GTF2IRD1: variants seen among roughly 807,000 people sequenced by gnomAD.
GTF2IRD1 encodes GTF2I repeat domain containing 1.
A neutral mutation model predicts 113.2 loss-of-function variants in GTF2IRD1; 26 were observed. That is an observed-to-expected ratio of 0.23 (90% CI 0.17 to 0.32). The LOEUF is 0.32. Ranked by LOEUF, GTF2IRD1 falls within the 10% of genes least tolerant of loss-of-function variation. The pLI is 1.00. For missense variants in GTF2IRD1, 864 were observed against 1,280.8 expected, an observed-to-expected ratio of 0.67 and a Z score of 4.97; for synonymous variants, 484 against 529.1, an observed-to-expected ratio of 0.91 and a Z score of 1.17.
chr7:74,466,248 A>C (rs570114485), intron 1 of GTF2IRD1, among the ~76,000 whole-genome samples: 50 of 152,244 alleles, frequency 3.3e-4, no homozygotes, highest in African/African-American at 1.2e-3. Flanking sequence ...GACGGGAGAC[A>C]ATGCCACTCC....
chr7:74,566,154 A>G (rs1800303074), intron 22 of GTF2IRD1, among the ~76,000 whole-genome samples: 1 of 152,160 alleles, frequency 6.6e-6, no homozygotes, highest in Admixed American at 6.6e-5. Flanking sequence ...TTTCCCCCCA[A>G]GCTTATTAAT....
At chr7:74,499,948 A>G (rs1795932670) in intron 1 of GTF2IRD1, among the ~76,000 whole-genome samples, 1 of 152,214 alleles carries the variant, frequency 6.6e-6, no homozygotes, top group Non-Finnish European at 1.5e-5. Context: ...GAATACACAC[A>G]AAGGAATGAA....
chr7:74,547,439 CTTT>C (rs782144976), intron 17 of GTF2IRD1, among the ~76,000 whole-genome samples, 153 bp downstream of exon 17: 1 of 111,196 alleles, frequency 9.0e-6, no homozygotes, highest in East Asian at 2.8e-4. Context: ...CATGCCCAGC[CTTT>C]TTTTTTTTTT....
At chr7:74,580,778 G>A (rs187542773) in intron 22 of GTF2IRD1, among the ~76,000 whole-genome samples, 1 of 152,274 alleles carries the variant, frequency 6.6e-6, no homozygotes, top group East Asian at 1.9e-4. Flanking sequence ...GCAGGAGGTC[G>A]CTGCTGCGGG....
At chr7:74,552,104 G>C (rs1295159886) in intron 17 of GTF2IRD1, among the ~76,000 whole-genome samples, 1 of 152,198 alleles carries the variant, frequency 6.6e-6, no homozygotes, top group Middle Eastern at 3.4e-3. Flanking sequence ...GGTAGCAGGG[G>C]ACCAGGCGTG....
intron 2 of GTF2IRD1, among the ~76,000 whole-genome samples, chr7:74,509,654 A>C (rs1180540881): frequency 1.3e-5 from 2 of 150,418 alleles, no homozygotes; most frequent in African/African-American, 2.5e-5. Context: ...GTCACACAGC[A>C]TGACCAGTTT....
At chr7:74,464,609 G>A (rs1287558464) in intron 1 of GTF2IRD1, among the ~76,000 whole-genome samples, 1 of 151,894 alleles carries the variant, frequency 6.6e-6, no homozygotes, top group Admixed American at 6.6e-5. Context: ...CACCACACCC[G>A]GCTAATTTTT....
intron 22 of GTF2IRD1, among the ~76,000 whole-genome samples, chr7:74,583,587 C>G (rs1298668072): frequency 2.0e-5 from 3 of 151,936 alleles, no homozygotes; most frequent in Non-Finnish European, 4.4e-5. Flanking sequence ...CCAGCCCCCT[C>G]AGCCAGCCCG....
chr7:74,602,583 T>TAA lies in GTF2IRD1; in HGVS notation c.*156_*157dup. 5.3e-6 allele frequency: 2 copies of TAA among 375,716 alleles called. No homozygotes were observed. Among genetic ancestry groups the TAA allele is most frequent in the South Asian group, 6.9e-5 (1 of 14,534 alleles). 23.3% of individuals were successfully genotyped at this position (375,716 alleles called of 1,614,324 possible). On this transcript the variant is annotated 3_prime_UTR_variant, in exon 27 of 27. Transcript: ENST00000424337. ...TGCCACCAAGGCCTTTTTAAATAAG[T>TAA]AAAAAAAGAAAAAAAAAAAAAAGAG...
chr7:74,536,922 G>A (rs1172828563), intron 11 of GTF2IRD1, among the ~76,000 whole-genome samples: 2 of 152,034 alleles, frequency 1.3e-5, no homozygotes, highest in Non-Finnish European at 2.9e-5. Flanking sequence ...ACCAGCTTGG[G>A]CAACATAGTG....
chr7:74,467,314 C>T (rs1371481620), intron 1 of GTF2IRD1, among the ~76,000 whole-genome samples: 4 of 152,076 alleles, frequency 2.6e-5, no homozygotes, highest in Admixed American at 1.3e-4. Flanking sequence ...CTGCTTCTGC[C>T]GGCCTGGCTG....
At chr7:74,522,007 A>G (rs1174149749) in intron 7 of GTF2IRD1, among the ~76,000 whole-genome samples, 2 of 152,088 alleles carry the variant, frequency 1.3e-5, no homozygotes, top group African/African-American at 4.8e-5. Flanking sequence ...AGGAGGCCTC[A>G]GTCCCCCACC....
At chr7:74,476,887 C>T (rs1167085532) in intron 1 of GTF2IRD1, among the ~76,000 whole-genome samples, 3 of 152,162 alleles carry the variant, frequency 2.0e-5, no homozygotes, top group African/African-American at 7.2e-5. Context: ...GATTCACCCC[C>T]GTTCAGGGAC....
At chr7:74,492,233 T>C (rs373989854) in intron 1 of GTF2IRD1, among the ~76,000 whole-genome samples, 8 of 150,378 alleles carry the variant, frequency 5.3e-5, no homozygotes, top group African/African-American at 1.5e-4. Context: ...TTCAGTGGCG[T>C]GATCTCGGCT....
In GTF2IRD1 at chr7:74,539,917, C is replaced by G; in HGVS notation, c.1567C>G (p.Pro523Ala). ...CTCTGAGGAAATGACAGACTCGATG[C>G]CTGGGCACCTGCCATCGGAGGATTC... Reference protein sequence around the residue: ...PTSEEMTDSMPGHLPSEDSGY... With the variant: ...PTSEEMTDSMAGHLPSEDSGY... Residue 523 changes from proline (P) to alanine (A), a missense_variant, in exon 14 of 27, where the codon CCT becomes GCT. Around this residue, in one of 7 missense-constraint regions of GTF2IRD1, gnomAD observed 218 missense variants for 352.6 expected, o/e 0.62. Coordinates refer to ENST00000424337, the MANE Select transcript of GTF2IRD1 (RefSeq NM_005685.4). 1.9e-6 allele frequency: 3 copies of G among 1,613,166 alleles called. No individual in the cohort carries two copies. Among genetic ancestry groups the G allele is most frequent in the Non-Finnish European group, 2.5e-6 (3 of 1,179,774 alleles).
At chr7:74,600,216 G>C (rs1802665032) in intron 25 of GTF2IRD1, among the ~76,000 whole-genome samples, 1 of 152,116 alleles carries the variant, frequency 6.6e-6, no homozygotes, top group Admixed American at 6.6e-5. Context: ...GATTGCTTGA[G>C]GTTGGGAATT....
At position 74,590,801 on chromosome 7, in the gene GTF2IRD1, A is replaced by T. The variant is rs1554369270; in HGVS notation, c.2399-24A>T. On this transcript the variant is annotated intron_variant, in intron 23 of 26. Coordinates refer to ENST00000424337, the MANE Select transcript of GTF2IRD1 (RefSeq NM_005685.4). Reference sequence around the variant, plus strand: ...CCATTGACAGGAGACATCTTTCCTCACTGTGACTTCCTGTGCCCTCTAGGT... The same window carrying T: ...CCATTGACAGGAGACATCTTTCCTCTCTGTGACTTCCTGTGCCCTCTAGGT... 3.3e-6 allele frequency: 5 copies of T among 1,526,970 alleles called. No individual in the cohort carries two copies. The Admixed American group carries it at 9.4e-5, about 29-fold the overall frequency. 94.6% of individuals were successfully genotyped at this position (1,526,970 alleles called of 1,614,324 possible). A position where few individuals can be genotyped will look rare whatever the true frequency, so the allele number is the denominator to read the frequency against.
At chr7:74,487,779 A>G (rs2117186094) in intron 1 of GTF2IRD1, among the ~76,000 whole-genome samples, 1 of 152,374 alleles carries the variant, frequency 6.6e-6, no homozygotes, top group Admixed American at 6.5e-5. Context: ...AATGTTGAAC[A>G]AAACAACTTA....
chr7:74,572,705 T>G (rs1332387786), intron 22 of GTF2IRD1: 1 of 188,416 alleles, frequency 5.3e-6, no homozygotes, highest in Non-Finnish European at 9.9e-6. Flanking sequence ...TCCAACTCTG[T>G]CTTGAGCTCT....
Sources: gnomAD v4.1 joint callset for allele counts (sites outside exome capture counted in the v4.1 genomes callset) on GRCh38, gnomAD v4.1.1 for gene constraint, gnomAD v4.1.1 regional missense constraint, MANE v1.5 for transcripts, NCBI Gene and HGNC (gene_info 2026-07-23, HGNC 2026-07-21) for gene names.